BCAR3: variants seen among roughly 807,000 people sequenced by gnomAD.
The protein encoded by BCAR3 is breast cancer anti-estrogen resistance protein 3.
Under a neutral mutation model 80.1 loss-of-function variants are expected in BCAR3, and 37 were observed. That is an observed-to-expected ratio of 0.46 (90% CI 0.36 to 0.61). The LOEUF (loss-of-function observed/expected upper bound fraction) is 0.61. Among genes scored for constraint, BCAR3 ranks in the 20% least tolerant of loss-of-function variants. BCAR3 has a pLI of 0.00. For synonymous variants in BCAR3, 389 were observed against 418.9 expected (o/e 0.93, Z 0.87); for missense variants, 978 against 1,068.2 (o/e 0.92, Z 1.18).
chr1:93,666,106 A>C (rs1018343332), intron 2 of BCAR3, among the ~76,000 whole-genome samples: 1 of 152,186 alleles, frequency 6.6e-6, no homozygotes, highest in Non-Finnish European at 1.5e-5. Flanking sequence ...ACAGGGAGAC[A>C]AAGCAATCTT....
At chr1:93,741,443 A>G (rs1199106071) in intron 2 of BCAR3, among the ~76,000 whole-genome samples, 1 of 152,254 alleles carries the variant, frequency 6.6e-6, no homozygotes, top group Non-Finnish European at 1.5e-5. Context: ...AGTAAAACAA[A>G]GATGATGAAA....
At chr1:93,783,684 A>G (rs891041977) in intron 2 of BCAR3, among the ~76,000 whole-genome samples, 3 of 152,242 alleles carry the variant, frequency 2.0e-5, no homozygotes, top group African/African-American at 7.2e-5. Flanking sequence ...ATGTTTCTAT[A>G]AAGCGTAAAA....
intron 2 of BCAR3, among the ~76,000 whole-genome samples, chr1:93,655,731 C>T (rs1391409505): frequency 6.6e-6 from 1 of 152,210 alleles, no homozygotes; most frequent in East Asian, 1.9e-4. Context: ...ATAAGCTCTC[C>T]TTCCCTCTCA....
chr1:93,669,585 G>T (rs1303722525), intron 2 of BCAR3, among the ~76,000 whole-genome samples: 2 of 152,156 alleles, frequency 1.3e-5, no homozygotes, highest in Non-Finnish European at 2.9e-5. Flanking sequence ...AAGGAATTAG[G>T]CACTCACAGC....
chr1:93,627,402 A>G lies in BCAR3; in HGVS notation c.357+14902T>C, dbSNP rs915649205. 2.0e-5 allele frequency among the ~76,000 whole-genome samples: 3 copies of G among 152,262 alleles called. No individual in the cohort carries two copies. The East Asian group carries it at 5.8e-4, about 29-fold the overall frequency. On this transcript the variant is annotated intron_variant, in intron 3 of 11. Coordinates refer to ENST00000260502, the MANE Select transcript of BCAR3 (RefSeq NM_003567.4). ...AAGGAACTACAACTTGTTGAACTCT[A>G]GTATCAAAGACCAACAACTATAATG...
At chr1:93,710,804 A>G (rs1041947948) in intron 2 of BCAR3, among the ~76,000 whole-genome samples, 2 of 152,230 alleles carry the variant, frequency 1.3e-5, no homozygotes, top group Non-Finnish European at 1.5e-5. Context: ...TAGTAGCTTA[A>G]AACAAACATT....
chr1:93,638,611 G>A (rs1675874745), intron 3 of BCAR3, among the ~76,000 whole-genome samples: 1 of 152,134 alleles, frequency 6.6e-6, no homozygotes, highest in Admixed American at 6.5e-5. Flanking sequence ...CTAGGGTAAG[G>A]TATGCTAGGT....
At chr1:93,806,412 G>A (rs1271472238) in intron 2 of BCAR3, among the ~76,000 whole-genome samples, 1 of 152,118 alleles carries the variant, frequency 6.6e-6, no homozygotes, top group African/African-American at 2.4e-5. Flanking sequence ...GGAAAGTGAG[G>A]GGTGAAACTA....
At chr1:93,819,443 A>G (rs1164816921) in intron 2 of BCAR3, among the ~76,000 whole-genome samples, 2 of 152,246 alleles carry the variant, frequency 1.3e-5, no homozygotes, top group Non-Finnish European at 2.9e-5. Flanking sequence ...CCCACTGGTT[A>G]CCAAGCCCAC....
chr1:93,694,319 C>A (rs555565654), intron 3 of BCAR3, among the ~76,000 whole-genome samples: 1 of 152,274 alleles, frequency 6.6e-6, no homozygotes, highest in East Asian at 1.9e-4. Flanking sequence ...CATCAAGGGA[C>A]AAAAAGAGGA....
At chr1:93,808,383 T>G (rs1262509196) in intron 2 of BCAR3, among the ~76,000 whole-genome samples, 1 of 152,182 alleles carries the variant, frequency 6.6e-6, no homozygotes, top group East Asian at 1.9e-4. Flanking sequence ...ACCTAGAATT[T>G]TATACCCAGC....
rs145885501 is a variant in BCAR3, at chr1:93,833,378, T to C, written c.-63+12189A>G. 3.8e-3 allele frequency among the ~76,000 whole-genome samples: 571 copies of C among 152,214 alleles called. 2 individuals carry two copies. The highest frequency in any genetic ancestry group is 0.013 in the African/African-American group (527 of 41,532). Reference sequence around the variant, plus strand: ...AGTTCCATGTCCCGCTGTGCATGCATTGTCATTGATAAACATCTTAACAGG... The same window carrying C: ...AGTTCCATGTCCCGCTGTGCATGCACTGTCATTGATAAACATCTTAACAGG... On this transcript the variant is annotated intron_variant, in intron 2 of 13. Transcript: ENST00000370244.
At chr1:93,679,863 T>C (rs1221515279) in intron 1 of BCAR3, among the ~76,000 whole-genome samples, 1 of 152,228 alleles carries the variant, frequency 6.6e-6, no homozygotes, top group Non-Finnish European at 1.5e-5. Flanking sequence ...AAACGGGATA[T>C]TTTCAAGTTT....
chr1:93,562,991 C>T (rs980334322), intron 11 of BCAR3, among the ~76,000 whole-genome samples: 1 of 152,074 alleles, frequency 6.6e-6, no homozygotes, highest in Non-Finnish European at 1.5e-5. Flanking sequence ...TTGGTTTGTA[C>T]AAACCACTGT....
intron 2 of BCAR3, among the ~76,000 whole-genome samples, chr1:93,651,703 A>G (rs1369671163): frequency 1.3e-5 from 2 of 152,160 alleles, no homozygotes; most frequent in African/African-American, 4.8e-5. Flanking sequence ...AGTCGATTAG[A>G]TGTACAGTTG....
chr1:93,753,460 G>T (rs1280298636), intron 2 of BCAR3: 1 of 152,072 alleles, frequency 6.6e-6, no homozygotes, highest in Non-Finnish European at 1.5e-5. Flanking sequence ...TCTTGACTTT[G>T]TCTAGTGAGG....
chr1:93,747,828 T>C (rs184640442), intron 2 of BCAR3, among the ~76,000 whole-genome samples: 1 of 151,712 alleles, frequency 6.6e-6, no homozygotes, highest in Non-Finnish European at 1.5e-5. Context: ...GCTCCAGCCA[T>C]ACCCAACTGC....
chr1:93,735,871 T>G (rs1445027891), intron 2 of BCAR3, among the ~76,000 whole-genome samples: 1 of 152,262 alleles, frequency 6.6e-6, no homozygotes, highest in Non-Finnish European at 1.5e-5. Context: ...GTGGCCTTCC[T>G]ATGGATTCTG....
chr1:93,776,854 G>A (rs1043012681), intron 2 of BCAR3, among the ~76,000 whole-genome samples: 5 of 152,038 alleles, frequency 3.3e-5, no homozygotes, highest in Admixed American at 6.6e-5. Context: ...TGATTATTAC[G>A]GGTTGAACTA....
Sources: gnomAD v4.1 joint callset for allele counts (sites outside exome capture counted in the v4.1 genomes callset) on GRCh38, gnomAD v4.1.1 for gene constraint, MANE v1.5 for transcripts, NCBI Gene and HGNC (gene_info 2026-07-23, HGNC 2026-07-21) for gene names.